The following CDH12 variants were observed in gnomAD, a reference collection of about 807,000 sequenced individuals.
CDH12 encodes cadherin-12.
CDH12 carries 41 observed loss-of-function variants against 74.1 expected under a neutral mutation model. The ratio of observed to expected loss-of-function variants is 0.55; its 90% CI spans 0.43 to 0.72. The LOEUF (loss-of-function observed/expected upper bound fraction) is 0.72. Ranked by LOEUF, CDH12 falls within the 30% of genes least tolerant of loss-of-function variation. CDH12 has a pLI of 0.00. For missense variants in CDH12, 945 were observed against 977.2 expected, an observed-to-expected ratio of 0.97 and a Z score of 0.44; for synonymous variants, 399 against 355.0, an observed-to-expected ratio of 1.12 and a Z score of -1.39.
intron 1 of CDH12, among the ~76,000 whole-genome samples, chr5:22,551,917 C>T (rs1561485736): frequency 6.6e-6 from 1 of 152,086 alleles, no homozygotes; most frequent in Non-Finnish European, 1.5e-5. Context: ...TTTTATCTTA[C>T]ATCACAATCT....
intron 6 of CDH12, among the ~76,000 whole-genome samples, chr5:21,854,994 C>T (rs760676623): frequency 1.3e-4 from 19 of 151,632 alleles, no homozygotes; most frequent in South Asian, 2.1e-4. Context: ...AGTTTAAATA[C>T]GCATTTTAAA....
At chr5:22,744,434 A>AC (rs921453829) in intron 1 of CDH12, among the ~76,000 whole-genome samples, 2 of 152,050 alleles carry the variant, frequency 1.3e-5, no homozygotes, top group Non-Finnish European at 2.9e-5. Flanking sequence ...GTCTCAAAAA[A>AC]AAACAAACAA....
At chr5:22,026,639 G>A (rs1384789355) in intron 5 of CDH12, among the ~76,000 whole-genome samples, 3 of 152,054 alleles carry the variant, frequency 2.0e-5, no homozygotes, top group Non-Finnish European at 2.9e-5. Flanking sequence ...TTCAGATCAG[G>A]GGTAGGGGTA....
At chr5:22,581,870 A>T (rs2126784361) in intron 1 of CDH12, among the ~76,000 whole-genome samples, 1 of 152,294 alleles carries the variant, frequency 6.6e-6, no homozygotes, top group Middle Eastern at 3.4e-3. Flanking sequence ...GCTAAAAAAA[A>T]ATTACAGCCT....
chr5:22,367,917 C>T (rs890449057), intron 3 of CDH12, among the ~76,000 whole-genome samples: 7 of 152,094 alleles, frequency 4.6e-5, no homozygotes, highest in Non-Finnish European at 8.8e-5. Flanking sequence ...CAAATTAACA[C>T]ATTTTTTTCC....
intron 1 of CDH12, among the ~76,000 whole-genome samples, chr5:22,753,001 A>C (rs1429186350): frequency 6.6e-6 from 1 of 152,130 alleles, no homozygotes; most frequent in Non-Finnish European, 1.5e-5. Context: ...AAAGAAGGGA[A>C]TAGAGACGTA....
chr5:22,310,247 C>T (rs1057144630), intron 3 of CDH12, among the ~76,000 whole-genome samples: 4 of 151,862 alleles, frequency 2.6e-5, no homozygotes, highest in Non-Finnish European at 2.9e-5. Flanking sequence ...GTTCACCTGA[C>T]GTCAGGAGTT....
chr5:22,637,575 G>A (rs889147964), intron 1 of CDH12, among the ~76,000 whole-genome samples: 4 of 152,234 alleles, frequency 2.6e-5, no homozygotes, highest in Non-Finnish European at 4.4e-5. Flanking sequence ...TGCCCAGACA[G>A]AACAGCAAAA....
intron 6 of CDH12, among the ~76,000 whole-genome samples, chr5:21,936,815 C>T (rs1280992717): frequency 6.6e-6 from 1 of 151,992 alleles, no homozygotes; most frequent in African/African-American, 2.4e-5. Flanking sequence ...CTCAGGAGAT[C>T]TGATGGTTTT....
intron 1 of CDH12, among the ~76,000 whole-genome samples, chr5:22,530,459 C>A (rs913968848): frequency 2.6e-5 from 4 of 151,948 alleles, no homozygotes; most frequent in African/African-American, 9.7e-5. Context: ...ATAGAAGTAT[C>A]CTTTCTTTGA....
intron 1 of CDH12, among the ~76,000 whole-genome samples, chr5:22,851,103 G>T (rs1737535775): frequency 6.6e-6 from 1 of 152,180 alleles, no homozygotes; most frequent in Non-Finnish European, 1.5e-5. Context: ...GGCATTAAGA[G>T]AAATTTTCTT....
intron 1 of CDH12, among the ~76,000 whole-genome samples, chr5:22,815,835 G>A (rs1222049595): frequency 6.7e-6 from 1 of 149,530 alleles, no homozygotes; most frequent in Non-Finnish European, 1.5e-5. Flanking sequence ...ACCGGTGAAA[G>A]AGAGCCTCTA....
At chr5:22,353,735 TC>T (rs1740450156) in intron 3 of CDH12, among the ~76,000 whole-genome samples, 1 of 152,122 alleles carries the variant, frequency 6.6e-6, no homozygotes, top group African/African-American at 2.4e-5. Flanking sequence ...CTGTATTTGG[TC>T]TTTTTTCTTC....
chr5:22,513,240 C>T (rs1736682412), intron 1 of CDH12, among the ~76,000 whole-genome samples: 1 of 151,956 alleles, frequency 6.6e-6, no homozygotes, highest in Non-Finnish European at 1.5e-5. Context: ...TGAGGTCCAC[C>T]ACCAACAACA....
intron 8 of CDH12, among the ~76,000 whole-genome samples, chr5:21,840,153 A>G (rs1253758618): frequency 2.0e-5 from 3 of 152,206 alleles, no homozygotes; most frequent in South Asian, 2.1e-4. Flanking sequence ...CACCAAAAAG[A>G]AGGCACAGAA....
chr5:22,325,751 AC>A (rs1156319506), intron 3 of CDH12, among the ~76,000 whole-genome samples: 2 of 152,180 alleles, frequency 1.3e-5, no homozygotes, highest in East Asian at 3.9e-4. Flanking sequence ...TACTAAAAAT[AC>A]AAAAAATTAG....
chr5:22,513,360 T>C (rs187772161), intron 1 of CDH12, among the ~76,000 whole-genome samples: 29 of 151,730 alleles, frequency 1.9e-4, no homozygotes, highest in African/African-American at 5.6e-4. Context: ...GTGTGGAAAG[T>C]TGACAACAGG....
At chr5:22,408,721 T>C (rs1413924817) in intron 2 of CDH12, among the ~76,000 whole-genome samples, 1 of 151,506 alleles carries the variant, frequency 6.6e-6, no homozygotes, top group Non-Finnish European at 1.5e-5. Context: ...CATCACTAAA[T>C]TAGACTCAAT....
At position 22,114,571 on chromosome 5, in the gene CDH12, G is replaced by T. The variant is rs959734394; in HGVS notation, c.-186-35709C>A. Among the ~76,000 whole-genome samples, 4 of 152,054 alleles carry T rather than the reference G, an allele frequency of 2.6e-5. No homozygotes were observed. In the South Asian group the frequency reaches 8.3e-4, roughly 32 times the overall value. ...TTTATTGAGAATAAAACAATATTTTGTAACAACTGTTATCATGTAAACTGC... is the reference window on the plus strand; with the variant it reads ...TTTATTGAGAATAAAACAATATTTTTTAACAACTGTTATCATGTAAACTGC... On this transcript the variant is annotated intron_variant, in intron 4 of 14. Transcript: ENST00000382254.
Sources: allele counts gnomAD v4.1 joint callset (sites outside exome capture counted in the v4.1 genomes callset), GRCh38; gene constraint gnomAD v4.1.1; transcripts MANE v1.5; gene names NCBI Gene and HGNC (gene_info 2026-07-23, HGNC 2026-07-21).